The following LGR6 variants were observed in gnomAD, a reference collection of about 807,000 sequenced individuals.
LGR6 encodes the protein leucine-rich repeat-containing G protein-coupled receptor 6.
In LGR6, 45 loss-of-function variants were observed where a neutral mutation model predicts 69.4. The observed-to-expected ratio is 0.65, with a 90% confidence interval of 0.51 to 0.83. The LOEUF is 0.83. Among genes scored for constraint, LGR6 ranks in the 40% least tolerant of loss-of-function variants. LGR6 has a pLI of 0.00. For missense variants in LGR6, 1,108 were observed against 1,246.7 expected (o/e 0.89, Z 1.68); for synonymous variants, 538 against 555.0 (o/e 0.97, Z 0.43).
chr1:202,260,862 A>G (rs1009449133), intron 4 of LGR6, among the ~76,000 whole-genome samples: 1 of 152,152 alleles, frequency 6.6e-6, no homozygotes, highest in Admixed American at 6.5e-5. Context: ...TCCCCCTGAC[A>G]TGCAGTGTGC....
At chr1:202,311,871 G>C (rs918266376) in intron 16 of LGR6, among the ~76,000 whole-genome samples, 1 of 152,062 alleles carries the variant, frequency 6.6e-6, no homozygotes, top group African/African-American at 2.4e-5. Context: ...GCAACCTGGG[G>C]GTCTCTGAGA....
intron 4 of LGR6, among the ~76,000 whole-genome samples, chr1:202,274,986 A>C (rs1665418058): frequency 6.6e-6 from 1 of 152,160 alleles, no homozygotes; most frequent in South Asian, 2.1e-4. Flanking sequence ...AGTGTTTCCC[A>C]GTGGTGCTTG....
In LGR6 at chr1:202,318,349, C is replaced by G; in HGVS notation, c.2046C>G (p.Ser682=). 1.3e-6 allele frequency: 2 copies of G among 1,598,746 alleles called. No individual in the cohort carries two copies. Among genetic ancestry groups the G allele is most frequent in the Non-Finnish European group, 1.7e-6 (2 of 1,172,384 alleles). Residue 682 remains serine (S), a synonymous_variant, in exon 18 of 18, where the codon TCC becomes TCG. Transcript: ENST00000367278. The stretch of plus-strand genomic sequence containing the variant: ...TCCGGGCCTATGGGAAGTCCCCCTC[C>G]CTGGGCAGCGTTCGAGCAGGGGTCC... ...SCVRAYGKSP[S]LGSVRAGVLG...
intron 4 of LGR6, among the ~76,000 whole-genome samples, chr1:202,274,991 T>C (rs1403768626): frequency 6.6e-6 from 1 of 152,186 alleles, no homozygotes; most frequent in African/African-American, 2.4e-5. Context: ...TTCCCAGTGG[T>C]GCTTGAGGTC....
intron 4 of LGR6, among the ~76,000 whole-genome samples, chr1:202,266,611 C>T (rs1423677627): frequency 1.3e-5 from 2 of 152,230 alleles, no homozygotes; most frequent in South Asian, 2.1e-4. Context: ...TCACTCCCTG[C>T]GTCACCCAGG....
In LGR6 at chr1:202,318,437, G is replaced by A. The variant is rs763884787; in HGVS notation, c.2134G>A (p.Gly712Arg). Residue 712 changes from glycine to arginine, a missense_variant, in exon 18 of 18, where the codon GGG (glycine) becomes AGG (arginine). Physicochemically the swap from Gly to Arg is moderately radical, Grantham distance 125. Coordinates refer to ENST00000367278, the MANE Select transcript of LGR6 (RefSeq NM_001017403.2). ...ALPLASVGEY[G>R]ASPLCLPYAP... ...GCCCCTGGCCTCAGTGGGAGAATAC[G>A]GGGCCTCCCCACTCTGCCTGCCCTA... The A allele has an allele frequency of 6.2e-6, 10 of 1,611,582 alleles. No homozygotes were observed. The highest frequency in any genetic ancestry group is 1.7e-5 in the Admixed American group (1 of 59,910).
chr1:202,204,533 A>C (rs1175024973), intron 1 of LGR6, among the ~76,000 whole-genome samples: 13 of 102,870 alleles, frequency 1.3e-4, no homozygotes, highest in Admixed American at 3.0e-4. Flanking sequence ...AAACACACAC[A>C]CCTCCTTCAA....
chr1:202,232,696 G>A (rs575177277), intron 3 of LGR6, among the ~76,000 whole-genome samples: 5 of 152,256 alleles, frequency 3.3e-5, no homozygotes, highest in African/African-American at 1.2e-4. Context: ...TGATTCTGAT[G>A]TATAACCAGG....
chr1:202,274,960 T>A (rs1033801855), intron 4 of LGR6, among the ~76,000 whole-genome samples: 1 of 152,186 alleles, frequency 6.6e-6, no homozygotes, highest in African/African-American at 2.4e-5. Context: ...ATGGCCCCCT[T>A]GCTGGTGAAC....
chr1:202,223,478 G>C (rs1660305737), intron 1 of LGR6, among the ~76,000 whole-genome samples: 1 of 152,124 alleles, frequency 6.6e-6, no homozygotes. Context: ...CATTTCTTGG[G>C]GGGAAATGCA....
Position 202,284,224 on chromosome 1 carries a change from A to G in LGR6, c.716+3372A>G, listed in dbSNP as rs1026175538. On this transcript the variant is annotated intron_variant, in intron 6 of 17. Transcript: ENST00000367278. ...CCAGGACATTTCTCCTGATGTAGTC[A>G]TCATCATTCCAGACTTTGCCAAGAA... Among the ~76,000 whole-genome samples, 13 of 152,308 alleles carry G rather than the reference A, an allele frequency of 8.5e-5. 1 individual carries two copies. Among genetic ancestry groups the G allele is most frequent in the African/African-American group, 2.9e-4 (12 of 41,568 alleles).
chr1:202,202,646 A>G (rs1239363268), intron 1 of LGR6, among the ~76,000 whole-genome samples: 2 of 152,244 alleles, frequency 1.3e-5, no homozygotes, highest in Non-Finnish European at 2.9e-5. Context: ...CAAATGCCCA[A>G]TCTATGGGAG....
chr1:202,228,531 C>T (rs12143329), intron 3 of LGR6, among the ~76,000 whole-genome samples: 48,149 of 152,114 alleles, frequency 0.32, 8,428 homozygotes, highest in Non-Finnish European at 0.4. Flanking sequence ...TTACCTATTC[C>T]CTTTGAAGCA....
At chr1:202,282,903 C>T (rs1254101033) in intron 6 of LGR6, among the ~76,000 whole-genome samples, 3 of 152,204 alleles carry the variant, frequency 2.0e-5, no homozygotes, top group Non-Finnish European at 2.9e-5. Flanking sequence ...AGGGCCTGCA[C>T]CCACTTTACC....
At chr1:202,231,764 A>G (rs967541284) in intron 3 of LGR6, among the ~76,000 whole-genome samples, 9 of 152,200 alleles carry the variant, frequency 5.9e-5, no homozygotes, top group African/African-American at 2.2e-4. Flanking sequence ...ACCCCTCTAC[A>G]TGAAATTTTT....
intron 2 of LGR6, 28 bp from the exon 3 acceptor site, chr1:202,227,908 A>G: frequency 1.3e-6 from 2 of 1,579,902 alleles, no homozygotes; most frequent in Non-Finnish European, 1.7e-6. Context: ...ACCTGCCAAC[A>G]TCGCTGACCC....
At chr1:202,260,740 G>A (rs957257874) in intron 4 of LGR6, among the ~76,000 whole-genome samples, 2 of 152,014 alleles carry the variant, frequency 1.3e-5, no homozygotes, top group African/African-American at 4.8e-5. Context: ...CTTTTATATA[G>A]TTGAGAATAT....
chr1:202,219,822 T>C (rs1489636821), intron 1 of LGR6, among the ~76,000 whole-genome samples: 1 of 152,216 alleles, frequency 6.6e-6, no homozygotes, highest in African/African-American at 2.4e-5. Flanking sequence ...GTTAGATGAG[T>C]AGAATATTAA....
At chr1:202,272,030 A>C (rs1453940158) in intron 4 of LGR6, among the ~76,000 whole-genome samples, 1 of 152,086 alleles carries the variant, frequency 6.6e-6, no homozygotes, top group African/African-American at 2.4e-5. Context: ...TTGTGGCTAC[A>C]TCTGTGTGAT....
Sources: allele counts gnomAD v4.1 joint callset (sites outside exome capture counted in the v4.1 genomes callset), GRCh38; gene constraint gnomAD v4.1.1; transcripts MANE v1.5; gene names NCBI Gene and HGNC (gene_info 2026-07-23, HGNC 2026-07-21).